The following CNTNAP2 variants were observed in gnomAD, a reference collection of about 807,000 sequenced individuals.
CNTNAP2 encodes the protein contactin-associated protein-like 2.
In CNTNAP2, 98 loss-of-function variants were observed where a neutral mutation model predicts 155.2. The ratio of observed to expected loss-of-function variants is 0.63; its 90% confidence interval spans 0.54 to 0.75. The LOEUF is 0.75. CNTNAP2 is among the 30% of genes least tolerant of loss of function. The probability of loss-of-function intolerance (pLI) is 0.00; values close to 1 mark genes in which losing one functional copy is unlikely to be tolerated. For synonymous variants in CNTNAP2, 651 were observed against 631.2 expected, an observed-to-expected ratio of 1.03 and a Z score of -0.47; for missense variants, 1,727 against 1,688.1, an observed-to-expected ratio of 1.02 and a Z score of -0.40.
intron 15 of CNTNAP2, among the ~76,000 whole-genome samples, chr7:148,070,973 A>T (rs1803369959): frequency 6.6e-6 from 1 of 152,186 alleles, no homozygotes; most frequent in African/African-American, 2.4e-5. Flanking sequence ...TTAATCATTT[A>T]ATTTTTCTTT....
At chr7:146,857,628 C>T (rs918986434) in intron 3 of CNTNAP2, among the ~76,000 whole-genome samples, 9 of 152,168 alleles carry the variant, frequency 5.9e-5, no homozygotes, top group African/African-American at 1.9e-4. Context: ...ACCAAGAGAA[C>T]GACTGAGAAA....
intron 1 of CNTNAP2, among the ~76,000 whole-genome samples, chr7:146,120,373 T>C (rs1797543957): frequency 6.6e-6 from 1 of 152,132 alleles, no homozygotes; most frequent in Admixed American, 6.5e-5. Context: ...TGGAGAGAAA[T>C]GTATAATCTC....
chr7:147,052,651 T>G (rs1047173163), intron 4 of CNTNAP2, among the ~76,000 whole-genome samples: 1 of 152,078 alleles, frequency 6.6e-6, no homozygotes, highest in Admixed American at 6.6e-5. Flanking sequence ...GTTATTATTT[T>G]AAATCACACT....
intron 13 of CNTNAP2, among the ~76,000 whole-genome samples, chr7:147,695,316 G>A (rs1450488654): frequency 1.3e-5 from 2 of 152,136 alleles, no homozygotes; most frequent in African/African-American, 2.4e-5. Flanking sequence ...TTTTGTGGCT[G>A]TTGGATGAAG....
At chr7:146,974,077 G>C (rs189966258) in intron 3 of CNTNAP2, among the ~76,000 whole-genome samples, 1 of 152,182 alleles carries the variant, frequency 6.6e-6, no homozygotes, top group Admixed American at 6.5e-5. Flanking sequence ...TGTGTGGACT[G>C]ATACCCAGAA....
chr7:146,939,018 G>A (rs1330634796), intron 3 of CNTNAP2, among the ~76,000 whole-genome samples: 1 of 151,886 alleles, frequency 6.6e-6, no homozygotes, highest in Non-Finnish European at 1.5e-5. Context: ...ATGGAAACCT[G>A]ACATTTACAA....
At chr7:148,162,452 A>C (rs1805566569) in intron 17 of CNTNAP2, among the ~76,000 whole-genome samples, 3 of 152,380 alleles carry the variant, frequency 2.0e-5, no homozygotes, top group Non-Finnish European at 4.4e-5. Flanking sequence ...TTCTGAAATC[A>C]GTGCTGTCAG....
At chr7:146,960,017 A>G (rs1309421743) in intron 3 of CNTNAP2, among the ~76,000 whole-genome samples, 2 of 152,118 alleles carry the variant, frequency 1.3e-5, no homozygotes, top group Non-Finnish European at 2.9e-5. Flanking sequence ...CCTGGGGCAC[A>G]GGTTGTCCAC....
chr7:148,091,192 T>G (rs1803833213), intron 15 of CNTNAP2, among the ~76,000 whole-genome samples: 1 of 152,170 alleles, frequency 6.6e-6, no homozygotes, highest in Non-Finnish European at 1.5e-5. Context: ...ATTGTGTATA[T>G]GAAAATTGCT....
At chr7:147,767,338 T>G (rs1797397828) in intron 13 of CNTNAP2, among the ~76,000 whole-genome samples, 1 of 152,060 alleles carries the variant, frequency 6.6e-6, no homozygotes, top group African/African-American at 2.4e-5. Flanking sequence ...TATTTTGGTG[T>G]ATCACTGACA....
intron 17 of CNTNAP2, among the ~76,000 whole-genome samples, chr7:148,151,592 A>C (rs569061787): frequency 6.6e-6 from 1 of 152,332 alleles, no homozygotes; most frequent in Admixed American, 6.5e-5. Flanking sequence ...CACTATGCCC[A>C]GCAGGTCCAT....
At chr7:147,431,050 CAAAAAAA>C (rs34150647) in intron 10 of CNTNAP2, among the ~76,000 whole-genome samples, 1 of 124,052 alleles carries the variant, frequency 8.1e-6, no homozygotes, top group East Asian at 2.3e-4. Context: ...GACTCCATCT[CAAAAAAA>C]AAAAAAAAGA....
intron 18 of CNTNAP2, among the ~76,000 whole-genome samples, chr7:148,180,530 C>G (rs896021620): frequency 1.6e-4 from 24 of 151,470 alleles, no homozygotes; most frequent in African/African-American, 5.8e-4. Context: ...AACAGTCTGA[C>G]AAAGCCAGTT....
intron 13 of CNTNAP2, among the ~76,000 whole-genome samples, chr7:147,677,994 T>A (rs1243976629): frequency 1.3e-5 from 2 of 151,682 alleles, no homozygotes; most frequent in Non-Finnish European, 3.0e-5. Flanking sequence ...CACACACTCC[T>A]TTCTAAACCT....
chr7:148,100,571 T>A (rs1158310450), intron 15 of CNTNAP2, among the ~76,000 whole-genome samples: 1 of 152,232 alleles, frequency 6.6e-6, no homozygotes, highest in South Asian at 2.1e-4. Flanking sequence ...TATAATAAAA[T>A]GGAGCTGTGA....
chr7:148,054,642 T>TA (rs1285420477), intron 15 of CNTNAP2, among the ~76,000 whole-genome samples: 1 of 152,044 alleles, frequency 6.6e-6, no homozygotes, highest in African/African-American at 2.4e-5. Context: ...TCTTTTCCTT[T>TA]AAAAAACTAA....
At chr7:146,342,610 C>T (rs1280096173) in intron 1 of CNTNAP2, among the ~76,000 whole-genome samples, 1 of 152,050 alleles carries the variant, frequency 6.6e-6, no homozygotes, top group African/African-American at 2.4e-5. Flanking sequence ...TATTAAAAAG[C>T]ATATCATTTA....
chr7:147,568,754 TC>T (rs1800224701), intron 12 of CNTNAP2, among the ~76,000 whole-genome samples: 1 of 152,160 alleles, frequency 6.6e-6, no homozygotes, highest in Non-Finnish European at 1.5e-5. Flanking sequence ...CAGCATCCTC[TC>T]CCTAGATACC....
chr7:146,715,909 C>G (rs932149048), intron 1 of CNTNAP2, among the ~76,000 whole-genome samples: 22 of 152,060 alleles, frequency 1.4e-4, no homozygotes, highest in Non-Finnish European at 4.4e-5. Flanking sequence ...TTAGAGTGTT[C>G]AGCAAGTGTT....
Sources: gnomAD v4.1 joint callset for allele counts (sites outside exome capture counted in the v4.1 genomes callset) on GRCh38, gnomAD v4.1.1 for gene constraint, MANE v1.5 for transcripts, NCBI Gene and HGNC (gene_info 2026-07-23, HGNC 2026-07-21) for gene names.